RNF128: variants seen among roughly 807,000 people sequenced by gnomAD.
The protein encoded by RNF128 is E3 ubiquitin-protein ligase RNF128.
Under a neutral mutation model 26.2 loss-of-function variants are expected in RNF128, and 13 were observed. The observed-to-expected ratio is 0.50, with a 90% CI of 0.32 to 0.79. The LOEUF (loss-of-function observed/expected upper bound fraction) is 0.79, where lower values mean the gene tolerates loss of function less well. Among genes scored for constraint, RNF128 ranks in the 30% least tolerant of loss-of-function variants. The pLI, the probability that RNF128 is intolerant of heterozygous loss-of-function variation, is 0.03. For missense variants in RNF128, 315 were observed against 349.7 expected (o/e 0.90, Z 0.79); for synonymous variants, 149 against 142.5 (o/e 1.05, Z -0.32).
chrX:106,794,019 C>T (rs910825023), intron 6 of RNF128, among the ~76,000 whole-genome samples: 6 of 111,597 alleles, frequency 5.4e-5, no homozygotes, highest in East Asian at 2.8e-4. Context: ...TTTTAGCAAT[C>T]ATTGATGCTT....
At chrX:106,714,845 C>A (rs1929187762) in intron 1 of RNF128, among the ~76,000 whole-genome samples, 1 of 111,552 alleles carries the variant, frequency 9.0e-6, no homozygotes, top group Non-Finnish European at 1.9e-5. Flanking sequence ...CAGTATAATT[C>A]TCGGGAGATT....
At position 106,726,931 on chromosome X, in the gene RNF128, G is replaced by T. The variant is rs376209535; in HGVS notation, c.18G>T (p.Gly6=). The T allele has an allele frequency of 4.9e-4, 578 of 1,177,582 alleles. No homozygotes were observed. In the African/African-American group the frequency reaches 9.5e-3, roughly 19 times the overall value. The part of the protein sequence containing the change: MGPPP[G]AGVSCRGGCG... ...CGCGCGCCATGGGGCCGCCGCCTGG[G>T]GCCGGGGTCTCCTGCCGCGGTGGCT... Residue 6 remains glycine (G), a synonymous_variant, in exon 1 of 7, where the codon GGG becomes GGT. Coordinates refer to ENST00000255499, the MANE Select transcript of RNF128 (RefSeq NM_194463.2).
chrX:106,752,300 G>C (rs1329891221), intron 1 of RNF128, among the ~76,000 whole-genome samples: 1 of 112,143 alleles, frequency 8.9e-6, no homozygotes, highest in African/African-American at 3.2e-5. Flanking sequence ...GTGGCCACAG[G>C]GGTGCTTGCA....
At chrX:106,788,635 TATA>T (rs1930735657) in intron 4 of RNF128, among the ~76,000 whole-genome samples, 1 of 64,275 alleles carries the variant, frequency 1.6e-5, no homozygotes, top group Non-Finnish European at 2.6e-5. Flanking sequence ...TACTATATAA[TATA>T]GTATATAATA....
intron 1 of RNF128, among the ~76,000 whole-genome samples, chrX:106,695,305 A>T (rs142677826): frequency 0.01 from 1,140 of 111,293 alleles, 37 homozygotes; most frequent in Admixed American, 0.091. Flanking sequence ...AATTGGTGTT[A>T]TTGCCAAATT....
intron 1 of RNF128, among the ~76,000 whole-genome samples, chrX:106,756,612 T>C (rs1166691950): frequency 9.1e-6 from 1 of 109,403 alleles, no homozygotes; most frequent in African/African-American, 3.4e-5. Context: ...ATTTAAACGT[T>C]AGACCTAAAA....
chrX:106,734,756 C>T (rs1169001417), intron 1 of RNF128, among the ~76,000 whole-genome samples: 2 of 111,940 alleles, frequency 1.8e-5, no homozygotes, highest in Non-Finnish European at 3.8e-5. Context: ...CCTCACGCTC[C>T]AATATGAAGA....
chrX:106,764,168 T>G (rs747934273), intron 1 of RNF128, among the ~76,000 whole-genome samples: 1 of 105,582 alleles, frequency 9.5e-6, no homozygotes, highest in East Asian at 3.3e-4. Flanking sequence ...GGTTTCACCA[T>G]GTTAGCCAGG....
intron 6 of RNF128, 41 bp from the exon 7 acceptor site, chrX:106,795,539 G>A (rs1237580246): frequency 1.7e-6 from 2 of 1,153,157 alleles, no homozygotes; most frequent in Non-Finnish European, 2.3e-6. Context: ...TAAAAGAGGA[G>A]AGGGGCAAAA....
intron 1 of RNF128, among the ~76,000 whole-genome samples, chrX:106,706,634 C>T (rs1217733625): frequency 8.9e-6 from 1 of 111,754 alleles, no homozygotes; most frequent in East Asian, 2.8e-4. Context: ...GGTCTAGTTA[C>T]TTAAACACTC....
chrX:106,772,094 A>G (rs916408283), intron 1 of RNF128, among the ~76,000 whole-genome samples: 1 of 112,137 alleles, frequency 8.9e-6, no homozygotes, highest in East Asian at 2.8e-4. Flanking sequence ...TTGGAATGGC[A>G]TGAGCAATCT....
chrX:106,756,507 A>G (rs1259817262), intron 1 of RNF128, among the ~76,000 whole-genome samples: 1 of 109,978 alleles, frequency 9.1e-6, no homozygotes, highest in African/African-American at 3.4e-5. Context: ...TATTTAATAA[A>G]TGGTGCTGGG....
chrX:106,703,072 TGATAG>T (rs1928985630), intron 1 of RNF128, among the ~76,000 whole-genome samples: 2 of 112,119 alleles, frequency 1.8e-5, no homozygotes, highest in Non-Finnish European at 3.8e-5. Flanking sequence ...CAATATGCAA[TGATAG>T]TAACACAATG....
At chrX:106,779,518 G>A (rs1930530932) in intron 2 of RNF128, among the ~76,000 whole-genome samples, 1 of 110,259 alleles carries the variant, frequency 9.1e-6, no homozygotes, top group South Asian at 3.9e-4. Context: ...TGGTTGCCAG[G>A]GGGATTGGGG....
intron 1 of RNF128, among the ~76,000 whole-genome samples, chrX:106,757,784 C>T (rs1930050203): frequency 9.0e-6 from 1 of 111,591 alleles, no homozygotes; most frequent in African/African-American, 3.3e-5. Flanking sequence ...ATGCAAGGAA[C>T]ATACCTCATT....
intron 1 of RNF128, among the ~76,000 whole-genome samples, chrX:106,705,985 C>G (rs1929036564): frequency 9.0e-6 from 1 of 111,704 alleles, no homozygotes; most frequent in South Asian, 3.8e-4. Flanking sequence ...ATACATCTTT[C>G]TCACCTGAAA....
chrX:106,711,233 T>G (rs1929121542), intron 1 of RNF128, among the ~76,000 whole-genome samples: 1 of 111,840 alleles, frequency 8.9e-6, no homozygotes, highest in African/African-American at 3.3e-5. Context: ...GAAATGCACT[T>G]TTGCAAACCC....
intron 1 of RNF128, among the ~76,000 whole-genome samples, chrX:106,746,279 T>C (rs1929794409): frequency 9.0e-6 from 1 of 111,125 alleles, no homozygotes; most frequent in Non-Finnish European, 1.9e-5. Context: ...ACAGCTTCCT[T>C]CACCTTGTAT....
At chrX:106,694,865 G>A (rs746176476) in intron 1 of RNF128, among the ~76,000 whole-genome samples, 1 of 111,690 alleles carries the variant, frequency 9.0e-6, no homozygotes, top group East Asian at 2.8e-4. Context: ...AAATGTTATA[G>A]AAATGAGAAC....
Sources: allele counts gnomAD v4.1 joint callset (sites outside exome capture counted in the v4.1 genomes callset), GRCh38; gene constraint gnomAD v4.1.1; transcripts MANE v1.5; gene names NCBI Gene and HGNC (gene_info 2026-07-23, HGNC 2026-07-21).